The following FILIP1L variants were observed in gnomAD, a reference collection of about 807,000 sequenced individuals.
FILIP1L encodes the protein filamin A interacting protein 1 like, also known as filamin A-interacting protein 1-like.
In FILIP1L, 55 loss-of-function variants were observed where a neutral mutation model predicts 96.6. The observed-to-expected ratio is 0.57, with a 90% CI of 0.46 to 0.71. FILIP1L has a LOEUF of 0.71. Ranked by LOEUF, FILIP1L falls within the 30% of genes least tolerant of loss-of-function variation. The probability of loss-of-function intolerance (pLI) is 0.00; values close to 1 mark genes in which losing one functional copy is unlikely to be tolerated. For missense variants in FILIP1L, 1,304 were observed against 1,321.2 expected (o/e 0.99, Z 0.20); for synonymous variants, 467 against 473.9 (o/e 0.99, Z 0.19).
chr3:100,096,541 T>C (rs1035970444), intron 1 of FILIP1L, among the ~76,000 whole-genome samples: 2 of 152,118 alleles, frequency 1.3e-5, no homozygotes, highest in African/African-American at 2.4e-5. Context: ...TTCTGACTTA[T>C]TTGTAGGATG....
chr3:100,064,516 T>C (rs1453906543), intron 1 of FILIP1L, among the ~76,000 whole-genome samples: 4 of 152,126 alleles, frequency 2.6e-5, no homozygotes, highest in Non-Finnish European at 5.9e-5. Context: ...ATGTAGCTGG[T>C]TTTCATTCTT....
chr3:100,048,987 A>G (rs1223307147), intron 1 of FILIP1L, among the ~76,000 whole-genome samples: 1 of 152,226 alleles, frequency 6.6e-6, no homozygotes, highest in African/African-American at 2.4e-5. Flanking sequence ...TTTCAAACCT[A>G]ATGGATTACA....
At chr3:100,035,911 T>C (rs62283557) in intron 1 of FILIP1L, among the ~76,000 whole-genome samples, 29 of 152,184 alleles carry the variant, frequency 1.9e-4, no homozygotes, top group Non-Finnish European at 4.0e-4. Context: ...TATTATGTGA[T>C]TTGAACTTTG....
At chr3:100,071,363 C>A (rs1413411198) in intron 1 of FILIP1L, among the ~76,000 whole-genome samples, 1 of 152,124 alleles carries the variant, frequency 6.6e-6, no homozygotes, top group Non-Finnish European at 1.5e-5. Context: ...GGAAGAACTG[C>A]CTCAGTAATG....
chr3:99,963,232 ATAGTGTGTGGTTTTC>A (rs1232951789), intron 1 of FILIP1L, among the ~76,000 whole-genome samples: 2 of 152,220 alleles, frequency 1.3e-5, no homozygotes, highest in Admixed American at 6.5e-5. Flanking sequence ...TTGCCCCAGA[ATAGTGTGTGGTTTTC>A]CACTAGCAGT....
chr3:100,091,292 A>G (rs949825211), intron 1 of FILIP1L, among the ~76,000 whole-genome samples: 1 of 145,338 alleles, frequency 6.9e-6, no homozygotes, highest in African/African-American at 2.5e-5. Context: ...CTCAAAAAAA[A>G]AAAAAAAAAA....
At chr3:99,892,850 A>G (rs1421840170) in intron 4 of FILIP1L, among the ~76,000 whole-genome samples, 6 of 152,234 alleles carry the variant, frequency 3.9e-5, no homozygotes, top group Non-Finnish European at 5.9e-5. Context: ...GGTCAAGTTC[A>G]TGTCGATCAT....
chr3:99,916,584 A>T (rs1363371361), intron 4 of FILIP1L, among the ~76,000 whole-genome samples: 4 of 152,144 alleles, frequency 2.6e-5, no homozygotes, highest in Non-Finnish European at 5.9e-5. Flanking sequence ...TGTGCATTAT[A>T]TAATTAGTAA....
chr3:100,103,291 C>T (rs62285478), intron 1 of FILIP1L, among the ~76,000 whole-genome samples: 27,687 of 152,166 alleles, frequency 0.18, 2,905 homozygotes, highest in South Asian at 0.25. Flanking sequence ...AAGAGTCAGC[C>T]AGAAACACAC....
intron 1 of FILIP1L, among the ~76,000 whole-genome samples, chr3:100,057,968 A>T (rs547151336): frequency 6.6e-6 from 1 of 152,368 alleles, no homozygotes; most frequent in African/African-American, 2.4e-5. Context: ...TGATGAAAAT[A>T]GCTAGTTATT....
chr3:100,081,561 G>A (rs2065932395), intron 1 of FILIP1L, among the ~76,000 whole-genome samples: 2 of 152,142 alleles, frequency 1.3e-5, no homozygotes, highest in South Asian at 4.1e-4. Flanking sequence ...CTTTGGTTGG[G>A]AATAACATTG....
chr3:100,058,554 G>C (rs2065504902), intron 1 of FILIP1L, among the ~76,000 whole-genome samples: 1 of 152,122 alleles, frequency 6.6e-6, no homozygotes, highest in African/African-American at 2.4e-5. Flanking sequence ...CTCAGCTTTT[G>C]CTCCTCCAAC....
chr3:99,843,541 T>C (rs1037882745), intron 5 of FILIP1L, among the ~76,000 whole-genome samples: 4 of 152,228 alleles, frequency 2.6e-5, no homozygotes, highest in African/African-American at 9.6e-5. Context: ...TTTTGACTTA[T>C]GATGGGGTTA....
At chr3:99,964,425 G>A (rs1053547356) in intron 1 of FILIP1L, 2 of 152,076 alleles carry the variant, frequency 1.3e-5, no homozygotes, top group Middle Eastern at 7.8e-4. Context: ...TCCTTAAACA[G>A]GATCAAGGCC....
At chr3:99,832,231 CTT>C (rs577849748) in intron 5 of FILIP1L, among the ~76,000 whole-genome samples, 19 of 138,106 alleles carry the variant, frequency 1.4e-4, no homozygotes, top group East Asian at 2.1e-4. Context: ...ATTCCTAAAT[CTT>C]TTTTTTTTTT....
At chr3:99,884,382 T>C (rs1705827020) in intron 4 of FILIP1L, among the ~76,000 whole-genome samples, 1 of 152,224 alleles carries the variant, frequency 6.6e-6, no homozygotes, top group African/African-American at 2.4e-5. Flanking sequence ...TATTTTCATG[T>C]ATTGCTGATT....
chr3:99,841,918 T>C (rs1403090570), intron 5 of FILIP1L, among the ~76,000 whole-genome samples: 1 of 152,146 alleles, frequency 6.6e-6, no homozygotes, highest in Non-Finnish European at 1.5e-5. Context: ...TGGAAAACAG[T>C]GTGGAGATTC....
chr3:99,829,981 A>G lies in FILIP1L; in HGVS notation c.*433T>C, dbSNP rs866850469. On this transcript the variant is annotated 3_prime_UTR_variant, in exon 6 of 6. Coordinates refer to ENST00000477258, the MANE Select transcript of FILIP1L (RefSeq NM_001387850.1). The stretch of plus-strand genomic sequence containing the variant: ...TTGTCCTGTCATCTTGATGGAAATA[A>G]TCTGATTTTCTTGACTCAGATTAGG... 1.3e-5 allele frequency among the ~76,000 whole-genome samples: 2 copies of G among 152,216 alleles called. No individual in the cohort carries two copies. The highest frequency in any genetic ancestry group is 1.5e-5 in the Non-Finnish European group (1 of 68,032).
intron 1 of FILIP1L, among the ~76,000 whole-genome samples, chr3:99,983,458 A>ATATG (rs771146451): frequency 6.2e-5 from 1 of 16,250 alleles, no homozygotes. Flanking sequence ...ATATATATAT[A>ATATG]TGTGTGTATA....
Sources: allele counts gnomAD v4.1 joint callset (sites outside exome capture counted in the v4.1 genomes callset), GRCh38; gene constraint gnomAD v4.1.1; transcripts MANE v1.5; gene names NCBI Gene and HGNC (gene_info 2026-07-23, HGNC 2026-07-21).